The following C1orf202 variants were observed in gnomAD, a reference collection of about 807,000 sequenced individuals.
C1orf202 encodes the protein chromosome 1 open reading frame 202, also known as uncharacterized protein C1orf202.
chr1:244,730,402 A>G, the C1orf202 span: 7 of 357,686 alleles, frequency 2.0e-5, no homozygotes, highest in Admixed American at 3.3e-4. Flanking sequence ...CAAAAAGAAA[A>G]AAACAATCCT....
the C1orf202 span, chr1:244,730,982 G>C: frequency 2.8e-6 from 1 of 360,666 alleles, no homozygotes; most frequent in Admixed American, 4.6e-5. Context: ...CGTCGGGCTG[G>C]ACAACAACGC....
At chr1:244,730,423 AGGGGGCGCAAC>A in the C1orf202 span, 1 of 354,438 alleles carries the variant, frequency 2.8e-6, no homozygotes, top group Non-Finnish European at 5.1e-6. Flanking sequence ...GAGCGTGCAC[AGGGGGCGCAAC>A]GGGGGACCGG....
chr1:244,730,945 G>C, the C1orf202 span: 3 of 381,732 alleles, frequency 7.9e-6, no homozygotes, highest in South Asian at 3.9e-4. Flanking sequence ...GCCTCTTCTC[G>C]GAGCGCGGGG....
the C1orf202 span, chr1:244,730,528 C>A: frequency 2.7e-6 from 1 of 364,692 alleles, no homozygotes; most frequent in Non-Finnish European, 4.9e-6. Context: ...GGGGTCCGGC[C>A]GCGGCCTCGT....
the C1orf202 span, chr1:244,730,057 T>TC: frequency 1.3e-5 from 2 of 151,632 alleles, no homozygotes; most frequent in African/African-American, 2.4e-5. Flanking sequence ...TTTTTTTTTT[T>TC]CTCCTGTCTC....
chr1:244,730,257 G>T, the C1orf202 span: 1 of 225,478 alleles, frequency 4.4e-6, no homozygotes, highest in Non-Finnish European at 8.6e-6. Flanking sequence ...AAGAGAGGCT[G>T]CGAGGAGGAC....
chr1:244,730,044 T>A, the C1orf202 span: 1 of 28,730 alleles, frequency 3.5e-5, no homozygotes, highest in African/African-American at 7.9e-5. Context: ...ACATAGTTGG[T>A]TTTTTTTTTT....
the C1orf202 span, chr1:244,730,480 G>T: frequency 2.9e-6 from 1 of 344,004 alleles, no homozygotes; most frequent in Non-Finnish European, 5.2e-6. Context: ...GCTGGCGCGC[G>T]GGGGCGGCCT....
the C1orf202 span, chr1:244,729,950 G>C: frequency 1.3e-5 from 2 of 151,862 alleles, no homozygotes; most frequent in African/African-American, 4.8e-5. Flanking sequence ...TTTTTTGACG[G>C]GGCGTGGTAG....
chr1:244,730,785 C>T, the C1orf202 span: 18 of 378,398 alleles, frequency 4.8e-5, no homozygotes, highest in Non-Finnish European at 8.0e-5. Flanking sequence ...CAGGAGCCGC[C>T]GTCGCCGGCC....
the C1orf202 span, chr1:244,730,332 A>G: frequency 3.7e-6 from 1 of 273,126 alleles, no homozygotes; most frequent in Non-Finnish European, 6.8e-6. Flanking sequence ...TCCCCCCAAC[A>G]TTGCATGTGC....
chr1:244,730,604 C>A, the C1orf202 span: 2 of 383,294 alleles, frequency 5.2e-6, no homozygotes, highest in East Asian at 3.7e-5. Context: ...CCGCTCCTTG[C>A]GCCGCAGGTA....
At chr1:244,730,134 A>G in the C1orf202 span, 1 of 177,684 alleles carries the variant, frequency 5.6e-6, no homozygotes, top group Admixed American at 6.2e-5. Context: ...TTAGGAAGAG[A>G]CAATCCGCCC....
the C1orf202 span, chr1:244,730,334 T>C: frequency 3.6e-6 from 1 of 278,312 alleles, no homozygotes; most frequent in Non-Finnish European, 6.7e-6. Flanking sequence ...CCCCCAACAT[T>C]GCATGTGCTT....
At chr1:244,729,986 G>A in the C1orf202 span, 1 of 151,722 alleles carries the variant, frequency 6.6e-6, no homozygotes, top group Non-Finnish European at 1.5e-5. Flanking sequence ...CCAACGCTTG[G>A]GAGGCTTAGG....
At chr1:244,730,403 A>C in the C1orf202 span, 3 of 357,952 alleles carry the variant, frequency 8.4e-6, no homozygotes, top group African/African-American at 2.1e-5. Flanking sequence ...AAAAAGAAAA[A>C]AACAATCCTG....
the C1orf202 span, chr1:244,730,553 C>G: frequency 5.4e-6 from 2 of 372,034 alleles, no homozygotes. Context: ...GCCCTGCGCG[C>G]GGTCCAGCAC....
At chr1:244,730,409 T>C in the C1orf202 span, 2 of 356,702 alleles carry the variant, frequency 5.6e-6, no homozygotes, top group Non-Finnish European at 5.0e-6. Context: ...AAAAAAACAA[T>C]CCTGAGCGTG....
chr1:244,730,203 C>T, the C1orf202 span: 1 of 223,388 alleles, frequency 4.5e-6, no homozygotes, highest in Admixed American at 5.8e-5. Context: ...CAGGGCTCCG[C>T]GGCACCCGCA....
Sources: allele counts gnomAD v4.1 joint callset, GRCh38; gene constraint gnomAD v4.1.1; transcripts MANE v1.5; gene names NCBI Gene and HGNC (gene_info 2026-07-23, HGNC 2026-07-21).